Variants in DNMT3B observed in about 807,000 individuals in gnomAD.
DNMT3B encodes the protein DNA (cytosine-5)-methyltransferase 3B.
In DNMT3B, 37 loss-of-function variants were observed where a neutral mutation model predicts 120.2. That is an observed-to-expected ratio of 0.31 (90% CI 0.24 to 0.40). The LOEUF is 0.40. DNMT3B is among the 10% of genes least tolerant of loss of function. The pLI is 1.00. For missense variants in DNMT3B, 878 were observed against 1,137.3 expected (o/e 0.77, Z 3.28); for synonymous variants, 412 against 442.8 (o/e 0.93, Z 0.87).
chr20:32,763,765 C>T (rs1255078684), intron 1 of DNMT3B, among the ~76,000 whole-genome samples: 2 of 152,232 alleles, frequency 1.3e-5, no homozygotes, highest in African/African-American at 2.4e-5. Context: ...TTTCCCTGCT[C>T]CCTTTTCCTC....
intron 1 of DNMT3B, among the ~76,000 whole-genome samples, chr20:32,775,518 G>T (rs1303886741): frequency 1.3e-5 from 2 of 152,336 alleles, no homozygotes; most frequent in South Asian, 2.1e-4. Flanking sequence ...ACCTGGTTCA[G>T]TCGGGGCACA....
chr20:32,798,364 A>C, intron 14 of DNMT3B, 96 bp from the exon 15 acceptor site: 1 of 1,508,542 alleles, frequency 6.6e-7, no homozygotes. Flanking sequence ...GTAAGCTTTC[A>C]GGAGGGGGTT....
chr20:32,784,842 C>T lies in DNMT3B; in HGVS notation c.289C>T (p.Arg97Cys), dbSNP rs769220144. Residue 97 changes from arginine to cysteine, a missense_variant, in exon 4 of 23, where the codon CGT becomes TGT. Physicochemically the swap from Arg to Cys is radical, Grantham distance 180. This residue lies in a region of DNMT3B where 287 missense variants were observed against 306.2 expected (regional missense o/e 0.94). Transcript: ENST00000328111. The stretch of plus-strand genomic sequence containing the variant: ...AAAGCTCTTCCGGGAAACCAGGACT[C>T]GTTCAGAAAGCCCAGCTGTAAGTAG... ...MPKLFRETRT[R>C]SESPAVRTRN... The T allele has an allele frequency of 4.4e-5, 71 of 1,613,962 alleles. No individual in the cohort carries two copies. Among genetic ancestry groups the T allele is most frequent in the South Asian group, 5.5e-5 (5 of 91,076 alleles).
intron 6 of DNMT3B, among the ~76,000 whole-genome samples, chr20:32,788,331 A>G (rs1979575348): frequency 6.6e-6 from 1 of 152,190 alleles, no homozygotes; most frequent in Non-Finnish European, 1.5e-5. Flanking sequence ...ATGTCTGGAT[A>G]ATAAATCCAG....
At position 32,796,891 on chromosome 20, in the gene DNMT3B, C is replaced by G. The variant is rs765609391; in HGVS notation, c.1377+22C>G. On this transcript the variant is annotated intron_variant, in intron 13 of 22. Coordinates refer to ENST00000328111, the MANE Select transcript of DNMT3B (RefSeq NM_006892.4). ...CCGGGTAAGTCCTCCTACTACTGCC[C>G]TGGACCTTCCTCCCCTTGCCTCCTC... The G allele has an allele frequency of 1.9e-6, 3 of 1,614,198 alleles. No homozygotes were observed. The East Asian group carries it at 6.7e-5, about 36-fold the overall frequency.
Position 32,800,777 on chromosome 20 carries a change from G to T in DNMT3B, c.1906-58G>T. 9 of 1,581,090 alleles carry T rather than the reference G, an allele frequency of 5.7e-6. No homozygotes were observed. In the South Asian group the frequency reaches 1.0e-4, roughly 17 times the overall value. ...GCCCCACGCAAGATTCTAGAAGTGG[G>T]TCCAGCTCTCTTTCCCTCTGTCCAC... On this transcript the variant is annotated intron_variant, in intron 17 of 22. Transcript: ENST00000328111.
Position 32,797,057 on chromosome 20 carries a change from G to A in DNMT3B, c.1378-130G>A, listed in dbSNP as rs201038667. ...AATGGCACGCAGGTCACAGCCAGTT[G>A]TCCTTTTAAAGGACACCAAGCCACC... On this transcript the variant is annotated intron_variant, in intron 13 of 22. Coordinates refer to ENST00000328111, the MANE Select transcript of DNMT3B (RefSeq NM_006892.4). 125 of 1,605,738 alleles carry A rather than the reference G, an allele frequency of 7.8e-5. 6 individuals are homozygous for A. In the Middle Eastern group the frequency reaches 1.2e-3, roughly 15 times the overall value.
In DNMT3B at chr20:32,801,279, G is replaced by A. The variant is rs1981306483; in HGVS notation, c.1998G>A (p.Glu666=). The change falls in exon 19 of 23, where the codon GAG becomes GAA. Residue 666 remains glutamate, a splice_region_variant and synonymous_variant. Transcript: ENST00000328111. ...NVNPARKGLY[E]GTGRLFFEFY... is the part of the protein sequence containing the mutation. ...CGCTGTCATCTTTTCTGAGCACAGAGGGTACAGGCCGGCTCTTCTTCGAAT... is the reference window on the plus strand; with the variant it reads ...CGCTGTCATCTTTTCTGAGCACAGAAGGTACAGGCCGGCTCTTCTTCGAAT... 2 of 1,614,176 alleles carry A rather than the reference G, an allele frequency of 1.2e-6. No homozygotes were observed. Among genetic ancestry groups the A allele is most frequent in the Non-Finnish European group, 1.7e-6 (2 of 1,180,036 alleles).
At chr20:32,763,407 C>T (rs1463862650) in intron 1 of DNMT3B, among the ~76,000 whole-genome samples, 1 of 152,190 alleles carries the variant, frequency 6.6e-6, no homozygotes, top group Admixed American at 6.5e-5. Context: ...GCACACCTGG[C>T]CCGGGAGGAG....
At chr20:32,799,526 A>T (rs1248629803) in intron 16 of DNMT3B, among the ~76,000 whole-genome samples, 198 bp downstream of exon 16, 1 of 151,634 alleles carries the variant, frequency 6.6e-6, no homozygotes, top group Non-Finnish European at 1.5e-5. Flanking sequence ...AGTTTTATTT[A>T]TTTATTTTTT....
intron 1 of DNMT3B, among the ~76,000 whole-genome samples, chr20:32,767,598 A>T (rs972977296): frequency 6.6e-6 from 1 of 152,006 alleles, no homozygotes; most frequent in South Asian, 2.1e-4. Context: ...ACGCCCATCT[A>T]ATTTTTAAAA....
At position 32,808,134 on chromosome 20, in the gene DNMT3B, C is replaced by T. The variant is rs188514897; in HGVS notation, c.*231C>T. 2.0e-4 allele frequency: 123 copies of T among 628,784 alleles called. No homozygotes were observed. The highest frequency in any genetic ancestry group is 2.8e-4 in the South Asian group (14 of 49,920). 39.0% of individuals were successfully genotyped at this position (628,784 alleles called of 1,614,324 possible). On this transcript the variant is annotated 3_prime_UTR_variant, in exon 23 of 23. Coordinates refer to ENST00000328111, the MANE Select transcript of DNMT3B (RefSeq NM_006892.4). Reference sequence around the variant, plus strand: ...CCTGGCTGCTTGGAGCAGCCTAACACGGTGCTCATTTTTTCTTCTCCTAAA... The same window carrying T: ...CCTGGCTGCTTGGAGCAGCCTAACATGGTGCTCATTTTTTCTTCTCCTAAA...
chr20:32,778,364 C>CAAAA (rs10633411), intron 1 of DNMT3B, among the ~76,000 whole-genome samples: 4 of 138,086 alleles, frequency 2.9e-5, no homozygotes, highest in South Asian at 2.3e-4. Context: ...GACTCTGTCT[C>CAAAA]AAAAAAAAAA....
intron 1 of DNMT3B, among the ~76,000 whole-genome samples, chr20:32,770,455 A>ATT (rs1987654243): frequency 6.6e-6 from 1 of 150,554 alleles, no homozygotes; most frequent in Non-Finnish European, 1.5e-5. Context: ...CCACCAGCTA[A>ATT]TTTTTGTTGG....
intron 7 of DNMT3B, among the ~76,000 whole-genome samples, chr20:32,790,518 T>C (rs1403230406): frequency 1.5e-5 from 2 of 130,374 alleles, no homozygotes; most frequent in East Asian, 1.2e-3. Flanking sequence ...CCAGCACTTG[T>C]GTTGGAGCGG....
intron 2 of DNMT3B, among the ~76,000 whole-genome samples, chr20:32,781,102 A>G (rs1220229347): frequency 2.0e-5 from 3 of 152,140 alleles, no homozygotes; most frequent in East Asian, 3.9e-4. Flanking sequence ...AAGGAATCGG[A>G]GGGCTCCCCT....
intron 18 of DNMT3B, 73 bp from the exon 19 acceptor site, chr20:32,801,205 G>A (rs1981298705): frequency 1.9e-6 from 3 of 1,608,542 alleles, no homozygotes; most frequent in Non-Finnish European, 1.7e-6. Flanking sequence ...GGAACCTGCT[G>A]GTCTCAGGGA....
chr20:32,802,301 A>G (rs113434167), intron 19 of DNMT3B, 84 bp from the exon 20 acceptor site: 2 of 1,418,870 alleles, frequency 1.4e-6, no homozygotes, highest in African/African-American at 2.8e-5. Flanking sequence ...ATAGTCAGGG[A>G]ATAGCCCTGT....
intron 18 of DNMT3B, 119 bp downstream of exon 18, chr20:32,801,044 G>T (rs368468890): frequency 1.5e-6 from 2 of 1,302,916 alleles, no homozygotes; most frequent in African/African-American, 2.9e-5. Context: ...AGCATCAGGG[G>T]CCTGTTGGTG....
Sources: allele counts gnomAD v4.1 joint callset (sites outside exome capture counted in the v4.1 genomes callset), GRCh38; gene constraint gnomAD v4.1.1; regional missense constraint gnomAD v4.1.1; transcripts MANE v1.5; gene names NCBI Gene and HGNC (gene_info 2026-07-23, HGNC 2026-07-21).